Variants in DEAF1 observed in about 807,000 individuals in gnomAD.
The protein encoded by DEAF1 is DEAF1 transcription factor, also known as deformed epidermal autoregulatory factor 1 homolog.
DEAF1 carries 53 observed loss-of-function variants against 58.9 expected under a neutral mutation model. That is an observed-to-expected ratio of 0.90 (90% confidence interval 0.72 to 1.13). The LOEUF is 1.13. Among genes scored for constraint, DEAF1 ranks in the 50% most tolerant of loss-of-function variants. DEAF1 has a pLI of 0.00. For synonymous variants in DEAF1, 385 were observed against 340.4 expected (o/e 1.13, Z -1.44); for missense variants, 685 against 791.4 (o/e 0.87, Z 1.61).
At chr11:661,746 A>C (rs1859329892) in intron 10 of DEAF1, among the ~76,000 whole-genome samples, 1 of 152,120 alleles carries the variant, frequency 6.6e-6, no homozygotes, top group African/African-American at 2.4e-5. Flanking sequence ...TGGAATCGGC[A>C]GCGTCACGCC....
chr11:706,626 T>C (rs1861726451), exon 1 of DEAF1: 7 of 152,786 alleles, frequency 4.6e-5, no homozygotes, highest in Admixed American at 4.6e-4. Flanking sequence ...AATCCCTGCG[T>C]CCGGAGAGCG....
chr11:656,771 A>G (rs1859074143), intron 10 of DEAF1, among the ~76,000 whole-genome samples: 1 of 152,220 alleles, frequency 6.6e-6, no homozygotes, highest in Non-Finnish European at 1.5e-5. Context: ...CCTGAACTGA[A>G]CGGGAAGCCT....
chr11:695,963 C>T (rs1330160765), upstream of DEAF1: 2 of 822,654 alleles, frequency 2.4e-6, no homozygotes, highest in East Asian at 3.4e-5. Context: ...ACCGTCTCTA[C>T]GTGAGCGAGA....
rs548401481 is a variant in DEAF1 at position 644,344 on chromosome 11, C to A, written c.*206G>T. On this transcript the variant is annotated 3_prime_UTR_variant, in exon 12 of 12. Transcript: ENST00000382409. The surrounding 1 kb of genome is among the most constrained non-coding windows in gnomAD (Gnocchi z 4.3). ...ATCCCAGGGATAAAAAATCTGTCCG[C>A]GAGCGGGCAGGGGGCCCGGGCAGGG... 1.6e-5 allele frequency: 10 copies of A among 624,140 alleles called. No individual in the cohort carries two copies. Among genetic ancestry groups the A allele is most frequent in the Admixed American group, 7.4e-5 (3 of 40,684 alleles). The allele number at this position is 624,140 out of a possible 1,614,324, so 38.7% of individuals were successfully genotyped here. A position where few individuals can be genotyped will look rare whatever the true frequency, so the allele number is the denominator to read the frequency against.
At chr11:655,508 C>A (rs1232143174) in intron 10 of DEAF1, among the ~76,000 whole-genome samples, 1 of 150,958 alleles carries the variant, frequency 6.6e-6, no homozygotes, top group African/African-American at 2.4e-5. Flanking sequence ...GGCGCCGCGA[C>A]CTGCACGCCC....
intron 9 of DEAF1, among the ~76,000 whole-genome samples, chr11:675,319 G>A (rs1860005026): frequency 6.6e-6 from 1 of 152,174 alleles, no homozygotes; most frequent in Non-Finnish European, 1.5e-5. Flanking sequence ...AGGAGTTCAA[G>A]ACCAGCCTGG....
chr11:672,519 G>C (rs1283318237), intron 10 of DEAF1, among the ~76,000 whole-genome samples: 1 of 152,168 alleles, frequency 6.6e-6, no homozygotes, highest in Non-Finnish European at 1.5e-5. Context: ...ACAAGTACCT[G>C]ATGTGCACTG....
chr11:698,520 G>A (rs1379714216), upstream of DEAF1, among the ~76,000 whole-genome samples: 1 of 152,208 alleles, frequency 6.6e-6, no homozygotes, highest in Non-Finnish European at 1.5e-5. Flanking sequence ...AGAAGCCACA[G>A]ACGGTGAGCC....
chr11:704,376 C>T, intron 1 of DEAF1: 9 of 1,110,512 alleles, frequency 8.1e-6, no homozygotes, highest in South Asian at 1.3e-5. Flanking sequence ...TGCCTGTCTT[C>T]GTGGAAGCGG....
At position 678,690 on chromosome 11, in the gene DEAF1, C is replaced by T; in HGVS notation, c.1255+4G>A. On this transcript the variant is annotated splice_donor_region_variant and intron_variant, in intron 9 of 11. Coordinates refer to ENST00000382409, the MANE Select transcript of DEAF1 (RefSeq NM_021008.4). Reference sequence around the variant, plus strand: ...TGTACATGTGTGAATTCTTTCAAACCTACCTATTTTGGGATGTGACGTTGG... The same window carrying T: ...TGTACATGTGTGAATTCTTTCAAACTTACCTATTTTGGGATGTGACGTTGG... 9 of 1,614,026 alleles carry T rather than the reference C, an allele frequency of 5.6e-6. No homozygotes were observed. Among genetic ancestry groups the T allele is most frequent in the Non-Finnish European group, 7.6e-6 (9 of 1,179,944 alleles).
At chr11:695,668 A>G, upstream of DEAF1, 1 of 1,244,574 alleles carries the variant, frequency 8.0e-7, no homozygotes. Context: ...GCGGTGCCGG[A>G]CGGACTAATC....
At chr11:668,980 C>A (rs1268176296) in intron 10 of DEAF1, among the ~76,000 whole-genome samples, 1 of 152,100 alleles carries the variant, frequency 6.6e-6, no homozygotes, top group Non-Finnish European at 1.5e-5. Context: ...TGCCTGCCAC[C>A]ATGCCTGGCT....
chr11:696,899 G>C (rs1330556363), upstream of DEAF1, among the ~76,000 whole-genome samples: 1 of 151,948 alleles, frequency 6.6e-6, no homozygotes, highest in Non-Finnish European at 1.5e-5. Context: ...GACCAACATG[G>C]AGAAACCCCG....
Position 648,337 on chromosome 11 carries a change from G to A in DEAF1, c.1594-3683C>T, listed in dbSNP as rs1043667112. ...AGCCTCCCGAGTACCTGGGACTACA[G>A]GCGCCCACCACCACGCCAAGCTAAT... On this transcript the variant is annotated intron_variant, in intron 11 of 11. Coordinates refer to ENST00000382409, the MANE Select transcript of DEAF1 (RefSeq NM_021008.4). Among the ~76,000 whole-genome samples the A allele has an allele frequency of 7.2e-5, 11 of 151,900 alleles. 1 individual carries two copies. Among genetic ancestry groups the A allele is most frequent in the Admixed American group, 7.2e-4 (11 of 15,204 alleles).
At chr11:687,406 G>C (rs1016934752) in intron 4 of DEAF1, among the ~76,000 whole-genome samples, 4 of 152,254 alleles carry the variant, frequency 2.6e-5, no homozygotes, top group African/African-American at 9.6e-5. Flanking sequence ...GATGGTTCCT[G>C]GGCGCAGCCC....
intron 10 of DEAF1, among the ~76,000 whole-genome samples, chr11:669,529 G>C (rs574535380): frequency 6.6e-6 from 1 of 151,962 alleles, no homozygotes; most frequent in South Asian, 2.1e-4. Flanking sequence ...TCAGCTACTT[G>C]AGAGGCTGAA....
In DEAF1 at chr11:703,118, C is replaced by T. The variant is rs751963410; in HGVS notation, c.-438+3454G>A. 6 of 1,609,390 alleles carry T rather than the reference C, an allele frequency of 3.7e-6. No homozygotes were observed. In the South Asian group the frequency reaches 6.6e-5, roughly 18 times the overall value. On this transcript the variant is annotated intron_variant, in intron 1 of 11. Coordinates refer to the DEAF1 transcript ENST00000683307. ...CCTTCACGGCCTGGAGGCCGTCCTG[C>T]AGGTGGTTGCCATCGCGGCCTTCAC...
chr11:688,291 C>A lies in DEAF1; in HGVS notation c.517+40G>T. 1 of 1,603,882 alleles carries A rather than the reference C, an allele frequency of 6.2e-7. No homozygotes were observed. Among genetic ancestry groups the A allele is most frequent in the Non-Finnish European group, 8.5e-7 (1 of 1,175,248 alleles). On this transcript the variant is annotated intron_variant, in intron 3 of 11. Transcript: ENST00000382409. The surrounding 1 kb of genome is among the most constrained non-coding windows in gnomAD (Gnocchi z 4.3). ...GAAATAAATTCTAGCTATTCTGAAACGTGTTTTGCCCGAGGCCTGGGGTGC... is the reference window on the plus strand; with the variant it reads ...GAAATAAATTCTAGCTATTCTGAAAAGTGTTTTGCCCGAGGCCTGGGGTGC...
At chr11:685,300 T>C (rs1258530426) in intron 5 of DEAF1, among the ~76,000 whole-genome samples, 2 of 151,926 alleles carry the variant, frequency 1.3e-5, no homozygotes, top group Non-Finnish European at 2.9e-5. Context: ...ACCAGGCTGG[T>C]CTCGAACTCC....
Sources: gnomAD v4.1 joint callset for allele counts (sites outside exome capture counted in the v4.1 genomes callset) on GRCh38, gnomAD v4.1.1 for gene constraint, Gnocchi (gnomAD v3.1) non-coding constraint, MANE v1.5 for transcripts, NCBI Gene and HGNC (gene_info 2026-07-23, HGNC 2026-07-21) for gene names.